Variants in PPM1H observed in about 807,000 individuals in gnomAD.
PPM1H encodes protein phosphatase, Mg2+/Mn2+ dependent 1H, also known as protein phosphatase 1H.
PPM1H carries 27 observed loss-of-function variants against 54.9 expected under a neutral mutation model. That is an observed-to-expected ratio of 0.49 (90% CI 0.36 to 0.68). PPM1H has a LOEUF of 0.68. Ranked by LOEUF, PPM1H falls within the 30% of genes least tolerant of loss-of-function variation. PPM1H has a pLI of 0.00. For missense variants in PPM1H, 596 were observed against 667.8 expected, an observed-to-expected ratio of 0.89 and a Z score of 1.19; for synonymous variants, 305 against 270.8, an observed-to-expected ratio of 1.13 and a Z score of -1.24.
chr12:62,894,491 A>G (rs146121962), intron 1 of PPM1H, among the ~76,000 whole-genome samples: 4 of 152,278 alleles, frequency 2.6e-5, no homozygotes, highest in African/African-American at 9.6e-5. Context: ...AAGCCCCAAA[A>G]CAAATCCCAG....
chr12:62,754,320 C>A (rs1319801577), intron 4 of PPM1H, among the ~76,000 whole-genome samples: 1 of 152,116 alleles, frequency 6.6e-6, no homozygotes, highest in Non-Finnish European at 1.5e-5. Flanking sequence ...AATCCCAGCA[C>A]TTTAGGAGGC....
chr12:62,813,569 A>G (rs2076848577), intron 2 of PPM1H, among the ~76,000 whole-genome samples: 1 of 152,222 alleles, frequency 6.6e-6, no homozygotes, highest in African/African-American at 2.4e-5. Flanking sequence ...TATTCCTCAC[A>G]TAGTAGACAA....
chr12:62,929,528 T>C (rs946374040), intron 1 of PPM1H, among the ~76,000 whole-genome samples: 3 of 152,202 alleles, frequency 2.0e-5, no homozygotes, highest in African/African-American at 7.2e-5. Context: ...AGTACTGCTG[T>C]AACCTTAATT....
intron 1 of PPM1H, among the ~76,000 whole-genome samples, chr12:62,884,394 G>A (rs1338953917): frequency 6.6e-6 from 1 of 151,148 alleles, no homozygotes; most frequent in Non-Finnish European, 1.5e-5. Flanking sequence ...CCAGCTATTT[G>A]GGAAGCTGAG....
chr12:62,786,198 C>G (rs2076670324), intron 4 of PPM1H, among the ~76,000 whole-genome samples: 1 of 152,248 alleles, frequency 6.6e-6, no homozygotes, highest in Admixed American at 6.5e-5. Context: ...GCCTCCTTTG[C>G]TGCTCTCCTC....
rs148753201 is a variant in PPM1H, at chr12:62,692,886, C to A, written c.1137+1050G>T. ...TTGCATTGAAATCACTGCTGGTCTA[C>A]ACGGAGCCCAAAACCTAACCATGTT... On this transcript the variant is annotated intron_variant, in intron 7 of 9. Transcript: ENST00000228705. 7.5e-3 allele frequency among the ~76,000 whole-genome samples: 1,130 copies of A among 151,090 alleles called. 13 individuals carry two copies. The highest frequency in any genetic ancestry group is 0.026 in the African/African-American group (1,070 of 40,706).
chr12:62,715,652 A>C (rs1396839043), intron 6 of PPM1H, among the ~76,000 whole-genome samples: 2 of 152,112 alleles, frequency 1.3e-5, no homozygotes, highest in African/African-American at 4.8e-5. Context: ...CAGAGCTGAC[A>C]TCCTCTCCCA....
intron 4 of PPM1H, among the ~76,000 whole-genome samples, chr12:62,762,515 C>T (rs1045877482): frequency 8.5e-5 from 13 of 152,098 alleles, no homozygotes; most frequent in African/African-American, 3.1e-4. Flanking sequence ...TTATGCATAC[C>T]CCGAAAATGA....
chr12:62,849,847 A>G (rs996497793), intron 1 of PPM1H, among the ~76,000 whole-genome samples: 7 of 152,234 alleles, frequency 4.6e-5, no homozygotes, highest in African/African-American at 1.7e-4. Flanking sequence ...ATGCCTCTAC[A>G]CAAATTTTAG....
chr12:62,868,812 C>T (rs1252635057), intron 1 of PPM1H, among the ~76,000 whole-genome samples: 3 of 152,192 alleles, frequency 2.0e-5, no homozygotes, highest in African/African-American at 2.4e-5. Flanking sequence ...GGGCTGTTTG[C>T]GCATTGTCAT....
At chr12:62,839,726 T>G (rs1227443654) in intron 1 of PPM1H, among the ~76,000 whole-genome samples, 2 of 151,806 alleles carry the variant, frequency 1.3e-5, no homozygotes, top group Non-Finnish European at 2.9e-5. Flanking sequence ...CCTATAGTCA[T>G]TTATGTTAGT....
At chr12:62,816,299 TAC>T (rs1313556882) in intron 2 of PPM1H, among the ~76,000 whole-genome samples, 1 of 152,254 alleles carries the variant, frequency 6.6e-6, no homozygotes, top group Admixed American at 6.5e-5. Flanking sequence ...ATGCACATAT[TAC>T]AGTTTGGGCA....
At chr12:62,736,438 G>A (rs2076349860) in intron 5 of PPM1H, among the ~76,000 whole-genome samples, 1 of 152,138 alleles carries the variant, frequency 6.6e-6, no homozygotes, top group Non-Finnish European at 1.5e-5. Context: ...CCACCACAAA[G>A]GTTAGAAAGC....
At chr12:62,700,235 C>A (rs924759460) in intron 6 of PPM1H, among the ~76,000 whole-genome samples, 1 of 152,166 alleles carries the variant, frequency 6.6e-6, no homozygotes, top group Admixed American at 6.5e-5. Context: ...TTCCTGCTGA[C>A]CTTCTTCTCT....
At chr12:62,668,890 T>C (rs1012056790) in intron 8 of PPM1H, among the ~76,000 whole-genome samples, 20 of 152,254 alleles carry the variant, frequency 1.3e-4, no homozygotes, top group African/African-American at 4.8e-4. Context: ...GGGCTGGTCC[T>C]GTGGGCTGAC....
intron 4 of PPM1H, among the ~76,000 whole-genome samples, chr12:62,747,022 G>A (rs1364763329): frequency 6.6e-6 from 1 of 152,186 alleles, no homozygotes. Context: ...CACGATCGTG[G>A]CTCACTGCAG....
At chr12:62,832,061 A>T (rs1176750059) in intron 2 of PPM1H, 53 bp downstream of exon 2, 11 of 1,582,490 alleles carry the variant, frequency 7.0e-6, no homozygotes, top group Admixed American at 5.0e-5. Flanking sequence ...CAGTGGGACC[A>T]AAGTGTGTGC....
chr12:62,777,209 C>T (rs2076616168), intron 4 of PPM1H, among the ~76,000 whole-genome samples: 1 of 152,216 alleles, frequency 6.6e-6, no homozygotes, highest in African/African-American at 2.4e-5. Flanking sequence ...ATTTCTGCGG[C>T]CAAAGAACAT....
intron 9 of PPM1H, among the ~76,000 whole-genome samples, chr12:62,657,668 C>T (rs990006705): frequency 6.6e-6 from 1 of 152,114 alleles, no homozygotes; most frequent in East Asian, 1.9e-4. Flanking sequence ...TTTTGAAAAC[C>T]TTATGGCATG....
Sources: gnomAD v4.1 joint callset for allele counts (sites outside exome capture counted in the v4.1 genomes callset) on GRCh38, gnomAD v4.1.1 for gene constraint, MANE v1.5 for transcripts, NCBI Gene and HGNC (gene_info 2026-07-23, HGNC 2026-07-21) for gene names.